JPH1: variants seen among roughly 807,000 people sequenced by gnomAD.
JPH1 encodes junctophilin-1.
Under a neutral mutation model 53.6 loss-of-function variants are expected in JPH1, and 12 were observed. That is an observed-to-expected ratio of 0.22 (90% CI 0.14 to 0.36). The LOEUF (loss-of-function observed/expected upper bound fraction) is 0.36, where lower values mean the gene tolerates loss of function less well. JPH1 is among the 10% of genes least tolerant of loss of function. The pLI, the probability that JPH1 is intolerant of heterozygous loss-of-function variation, is 1.00. For synonymous variants in JPH1, 375 were observed against 363.8 expected, an observed-to-expected ratio of 1.03 and a Z score of -0.35; for missense variants, 808 against 905.5, an observed-to-expected ratio of 0.89 and a Z score of 1.38.
chr8:74,235,142 A>T lies in JPH1; in HGVS notation c.*1909T>A, dbSNP rs1229430472. ...TAAATATTTTATTATTATTTTTTTA[A>T]AAAACCAGCTTTCCCAGCGTAAGGA... On this transcript the variant is annotated 3_prime_UTR_variant, in exon 6 of 6. Transcript: ENST00000342232. 1.3e-5 allele frequency: 2 copies of T among 152,278 alleles called. No individual in the cohort carries two copies. Among genetic ancestry groups the T allele is most frequent in the Non-Finnish European group, 1.5e-5 (1 of 68,030 alleles). The allele number at this position is 152,278 out of a possible 1,614,324, so 9.4% of individuals were successfully genotyped here. A position where few individuals can be genotyped will look rare whatever the true frequency, so the allele number is the denominator to read the frequency against.
chr8:74,296,997 C>T (rs533369912), intron 2 of JPH1, among the ~76,000 whole-genome samples: 3 of 152,282 alleles, frequency 2.0e-5, no homozygotes, highest in African/African-American at 4.8e-5. Context: ...GAGTTCAGGA[C>T]ATAAACAATT....
intron 2 of JPH1, among the ~76,000 whole-genome samples, chr8:74,289,252 C>T (rs528460519): frequency 6.6e-6 from 1 of 152,304 alleles, no homozygotes; most frequent in South Asian, 2.1e-4. Flanking sequence ...TAGGAAATGG[C>T]TACTGTGGCT....
rs770251633 is a variant in JPH1, at chr8:74,244,499, GAA to G, written c.1905+28_1905+29del. ...CGCTGAAAGAAACAAAGGGAAGAAA[GAA>G]AGAGAAAACGCTACTTGCAGTACTT... is the stretch of plus-strand genomic sequence containing the variant. On this transcript the variant is annotated intron_variant, in intron 4 of 5. Coordinates refer to ENST00000342232, the MANE Select transcript of JPH1 (RefSeq NM_020647.4). 5 of 1,556,018 alleles carry G rather than the reference GAA, an allele frequency of 3.2e-6. No individual in the cohort carries two copies. In the South Asian group the frequency reaches 5.0e-5, roughly 16 times the overall value.
chr8:74,308,373 C>T (rs1276086893), intron 2 of JPH1, among the ~76,000 whole-genome samples: 1 of 152,224 alleles, frequency 6.6e-6, no homozygotes, highest in Non-Finnish European at 1.5e-5. Context: ...ACCCGTAGCA[C>T]ACACTTTGAC....
At chr8:74,265,501 C>G (rs1010794305) in intron 2 of JPH1, among the ~76,000 whole-genome samples, 1 of 152,148 alleles carries the variant, frequency 6.6e-6, no homozygotes, top group Non-Finnish European at 1.5e-5. Context: ...TAAAACTTAT[C>G]TAAGACTTAC....
At chr8:74,268,336 G>A (rs950314881) in intron 2 of JPH1, among the ~76,000 whole-genome samples, 2 of 152,148 alleles carry the variant, frequency 1.3e-5, no homozygotes, top group African/African-American at 2.4e-5. Context: ...TTGTTCTCCA[G>A]CAGGGCTGTC....
intron 2 of JPH1, among the ~76,000 whole-genome samples, chr8:74,262,666 A>G (rs1272795101): frequency 6.6e-6 from 1 of 152,364 alleles, no homozygotes; most frequent in Non-Finnish European, 1.5e-5. Context: ...ATTAAGCATC[A>G]GCTGTTGACT....
chr8:74,317,706 A>G (rs1164063248), intron 1 of JPH1, among the ~76,000 whole-genome samples: 5 of 152,224 alleles, frequency 3.3e-5, no homozygotes, highest in Non-Finnish European at 5.9e-5. Context: ...TTGCTAGAAC[A>G]ATTTGCAGAG....
At chr8:74,288,279 G>A (rs1386623532) in intron 2 of JPH1, among the ~76,000 whole-genome samples, 1 of 152,200 alleles carries the variant, frequency 6.6e-6, no homozygotes, top group East Asian at 1.9e-4. Flanking sequence ...GCCACCCTCT[G>A]CAGCAGAATT....
intron 3 of JPH1, among the ~76,000 whole-genome samples, chr8:74,257,843 G>T (rs1806281895): frequency 2.6e-5 from 4 of 152,286 alleles, no homozygotes; most frequent in South Asian, 4.1e-4. Context: ...AACTCTTAGA[G>T]AAGTCACTCT....
intron 3 of JPH1, among the ~76,000 whole-genome samples, chr8:74,253,765 C>G (rs1170138995): frequency 6.6e-6 from 1 of 152,074 alleles, no homozygotes; most frequent in Non-Finnish European, 1.5e-5. Context: ...CTATAAACAC[C>G]TATACACAAA....
intron 2 of JPH1, among the ~76,000 whole-genome samples, chr8:74,284,163 C>G (rs1433283811): frequency 6.6e-6 from 1 of 152,210 alleles, no homozygotes; most frequent in African/African-American, 2.4e-5. Flanking sequence ...ATTGACACAT[C>G]ACTAAAAATA....
chr8:74,302,239 A>G (rs1563418321), intron 2 of JPH1, among the ~76,000 whole-genome samples: 1 of 152,142 alleles, frequency 6.6e-6, no homozygotes, highest in Non-Finnish European at 1.5e-5. Context: ...CAGCATCTAC[A>G]TTGTTTCCTT....
At chr8:74,310,288 T>TAA (rs34501932) in intron 2 of JPH1, among the ~76,000 whole-genome samples, 2 of 134,090 alleles carry the variant, frequency 1.5e-5, no homozygotes, top group African/African-American at 2.6e-5. Flanking sequence ...GAACATTTCT[T>TAA]AAAAAAAAAA....
chr8:74,291,965 G>A (rs1371865537), intron 2 of JPH1, among the ~76,000 whole-genome samples: 2 of 152,120 alleles, frequency 1.3e-5, no homozygotes, highest in South Asian at 2.1e-4. Flanking sequence ...TCATAGGTGG[G>A]AATTGAACAA....
intron 1 of JPH1, among the ~76,000 whole-genome samples, chr8:74,319,289 A>G (rs1480162679): frequency 6.6e-6 from 1 of 152,238 alleles, no homozygotes; most frequent in Non-Finnish European, 1.5e-5. Flanking sequence ...GGCCTTCTTA[A>G]AAGATTATAA....
intron 4 of JPH1, among the ~76,000 whole-genome samples, chr8:74,241,217 C>T (rs1202239425): frequency 6.6e-6 from 1 of 152,118 alleles, no homozygotes; most frequent in African/African-American, 2.4e-5. Context: ...AAGCTTCAAA[C>T]AGCAACCAGG....
At chr8:74,317,485 C>T (rs1467123567) in intron 1 of JPH1, among the ~76,000 whole-genome samples, 2 of 152,120 alleles carry the variant, frequency 1.3e-5, no homozygotes, top group Admixed American at 1.3e-4. Context: ...CCAAATACCG[C>T]CATCTTAACA....
intron 1 of JPH1, among the ~76,000 whole-genome samples, chr8:74,319,674 A>G (rs924360649): frequency 1.3e-5 from 2 of 152,224 alleles, no homozygotes; most frequent in African/African-American, 4.8e-5. Context: ...GTAAGCTTTT[A>G]TATAAGCAAT....
Sources: gnomAD v4.1 joint callset for allele counts (sites outside exome capture counted in the v4.1 genomes callset) on GRCh38, gnomAD v4.1.1 for gene constraint, MANE v1.5 for transcripts, NCBI Gene and HGNC (gene_info 2026-07-23, HGNC 2026-07-21) for gene names.